The following BMP2K variants were observed in gnomAD, a reference collection of about 807,000 sequenced individuals.
BMP2K encodes BMP-2-inducible protein kinase.
Under a neutral mutation model 116.0 loss-of-function variants are expected in BMP2K, and 74 were observed. The ratio of observed to expected loss-of-function variants is 0.64; its 90% CI spans 0.53 to 0.77. The LOEUF (loss-of-function observed/expected upper bound fraction) is 0.77. BMP2K is among the 30% of genes least tolerant of loss of function. BMP2K has a pLI of 0.00. For missense variants in BMP2K, 1,365 were observed against 1,403.6 expected (o/e 0.97, Z 0.44); for synonymous variants, 486 against 502.5 (o/e 0.97, Z 0.44).
At chr4:78,788,700 T>C (rs1259189450) in intron 1 of BMP2K, among the ~76,000 whole-genome samples, 1 of 151,858 alleles carries the variant, frequency 6.6e-6, no homozygotes. Flanking sequence ...TCATGAGTTT[T>C]TTTTTTTTTA....
intron 1 of BMP2K, among the ~76,000 whole-genome samples, chr4:78,801,196 T>C (rs1728550625): frequency 1.3e-5 from 2 of 152,156 alleles, no homozygotes; most frequent in South Asian, 4.1e-4. Flanking sequence ...TAAAATCTAT[T>C]TTTAGATTTT....
chr4:78,872,861 G>A (rs1039542348), intron 13 of BMP2K, 63 bp downstream of exon 13: 2 of 1,504,892 alleles, frequency 1.3e-6, no homozygotes, highest in Non-Finnish European at 9.2e-7. Flanking sequence ...TCGTTGAATG[G>A]TCGGTCATTA....
chr4:78,909,315 G>T (rs1342911262), intron 15 of BMP2K, among the ~76,000 whole-genome samples: 1 of 151,682 alleles, frequency 6.6e-6, no homozygotes, highest in Admixed American at 6.6e-5. Context: ...GGATTACAGG[G>T]GTGAGCCACC....
rs1169661656 is a variant in BMP2K at position 78,870,824 on chromosome 4, C to G, written c.1273C>G (p.Gln425Glu). 3 of 1,614,076 alleles carry G rather than the reference C, an allele frequency of 1.9e-6. No homozygotes were observed. Among genetic ancestry groups the G allele is most frequent in the Non-Finnish European group, 2.5e-6 (3 of 1,180,006 alleles). Residue 425 changes from glutamine to glutamate, a missense_variant, in exon 11 of 16, where the codon CAG becomes GAG. Coordinates refer to ENST00000502613, the MANE Select transcript of BMP2K (RefSeq NM_198892.2). ...PGNGPEILLG[Q>E]GPPQQPPQQH... Reference sequence around the variant, plus strand: ...AAATGGCCCTGAAATTTTATTGGGTCAGGGACCTCCTCAGCAGCCGCCACA... The same window carrying G: ...AAATGGCCCTGAAATTTTATTGGGTGAGGGACCTCCTCAGCAGCCGCCACA...
intron 10 of BMP2K, among the ~76,000 whole-genome samples, chr4:78,866,575 A>G (rs1233152383): frequency 6.6e-6 from 1 of 152,188 alleles, no homozygotes; most frequent in East Asian, 1.9e-4. Flanking sequence ...TATGCCTTTG[A>G]TAAATGTTAA....
chr4:78,812,326 A>G (rs544057952), intron 1 of BMP2K, among the ~76,000 whole-genome samples: 6 of 152,288 alleles, frequency 3.9e-5, no homozygotes, highest in South Asian at 2.1e-4. Context: ...TCTCTCAGCT[A>G]TAAATGATGA....
In BMP2K at chr4:78,912,671, A is replaced by G. The variant is rs1386852601; in HGVS notation, c.*638A>G. 6.6e-6 allele frequency: 1 copy of G among 152,198 alleles called. No individual in the cohort carries two copies. Among genetic ancestry groups the G allele is most frequent in the Non-Finnish European group, 1.5e-5 (1 of 68,028 alleles). 9.4% of individuals were successfully genotyped at this position (152,198 alleles called of 1,614,324 possible). A position where few individuals can be genotyped will look rare whatever the true frequency, so the allele number is the denominator to read the frequency against. On this transcript the variant is annotated 3_prime_UTR_variant, in exon 16 of 16. Coordinates refer to ENST00000502613, the MANE Select transcript of BMP2K (RefSeq NM_198892.2). ...TATCTAATGATAAGCATATGAAATAATGTGTAATTAGCTCAATTTAACTAT... is the reference window on the plus strand; with the variant it reads ...TATCTAATGATAAGCATATGAAATAGTGTGTAATTAGCTCAATTTAACTAT...
intron 1 of BMP2K, among the ~76,000 whole-genome samples, chr4:78,786,643 T>C (rs1006660424): frequency 1.3e-5 from 2 of 152,178 alleles, no homozygotes; most frequent in Non-Finnish European, 2.9e-5. Flanking sequence ...TTGCCCAGAA[T>C]GCAAATACTG....
chr4:78,821,800 G>T (rs1386722385), intron 1 of BMP2K, among the ~76,000 whole-genome samples: 1 of 152,170 alleles, frequency 6.6e-6, no homozygotes, highest in Admixed American at 6.5e-5. Flanking sequence ...CTGTGGGAAA[G>T]ATACGAAGGA....
chr4:78,869,634 A>G (rs1732233881), intron 10 of BMP2K, among the ~76,000 whole-genome samples: 1 of 152,200 alleles, frequency 6.6e-6, no homozygotes, highest in Non-Finnish European at 1.5e-5. Flanking sequence ...TACTCCATGA[A>G]TATGTACAAT....
At chr4:78,789,681 T>G (rs1727906142) in intron 1 of BMP2K, among the ~76,000 whole-genome samples, 1 of 152,216 alleles carries the variant, frequency 6.6e-6, no homozygotes, top group South Asian at 2.1e-4. Context: ...ACGATTAATT[T>G]TAAAAGTTTA....
intron 7 of BMP2K, among the ~76,000 whole-genome samples, chr4:78,854,248 T>C (rs1393473305): frequency 1.3e-5 from 2 of 149,614 alleles, no homozygotes; most frequent in African/African-American, 4.9e-5. Flanking sequence ...AGCTCATCTA[T>C]TGGGGCTAAA....
At chr4:78,862,445 G>GT (rs1380906777) in intron 9 of BMP2K, among the ~76,000 whole-genome samples, 1 of 152,056 alleles carries the variant, frequency 6.6e-6, no homozygotes, top group Non-Finnish European at 1.5e-5. Context: ...ACTTGGAAGG[G>GT]TGTGGAGTGA....
chr4:78,829,504 C>G (rs1406755826), intron 2 of BMP2K, among the ~76,000 whole-genome samples: 3 of 151,804 alleles, frequency 2.0e-5, no homozygotes, highest in Admixed American at 2.0e-4. Context: ...CAGCCTCTTC[C>G]AAACTCTTGT....
At chr4:78,879,960 A>G (rs1363058033) in intron 14 of BMP2K, 2 of 152,258 alleles carry the variant, frequency 1.3e-5, no homozygotes, top group African/African-American at 4.8e-5. Context: ...AGGTTTCTAA[A>G]TAAAACCGAT....
intron 15 of BMP2K, among the ~76,000 whole-genome samples, chr4:78,901,446 G>A (rs1560554494): frequency 6.6e-6 from 1 of 152,154 alleles, no homozygotes; most frequent in Non-Finnish European, 1.5e-5. Context: ...AGTTATGCTA[G>A]TTTTCTCTTA....
intron 1 of BMP2K, among the ~76,000 whole-genome samples, chr4:78,819,807 C>T (rs1321950049): frequency 6.6e-6 from 1 of 152,138 alleles, no homozygotes; most frequent in African/African-American, 2.4e-5. Context: ...TATTCACTTA[C>T]CAGGCATTAT....
At chr4:78,852,614 C>A (rs913228879) in intron 7 of BMP2K, among the ~76,000 whole-genome samples, 1 of 151,748 alleles carries the variant, frequency 6.6e-6, no homozygotes, top group South Asian at 2.1e-4. Flanking sequence ...TTTTCTTTGT[C>A]TTCTTCAAGA....
At chr4:78,812,256 A>G (rs939445248) in intron 1 of BMP2K, among the ~76,000 whole-genome samples, 1 of 152,226 alleles carries the variant, frequency 6.6e-6, no homozygotes, top group Non-Finnish European at 1.5e-5. Flanking sequence ...GGCGTGAGCC[A>G]CTGTGCCTGG....
Sources: allele counts gnomAD v4.1 joint callset (sites outside exome capture counted in the v4.1 genomes callset), GRCh38; gene constraint gnomAD v4.1.1; transcripts MANE v1.5; gene names NCBI Gene and HGNC (gene_info 2026-07-23, HGNC 2026-07-21).